The following CABP4 variants were observed in gnomAD, a reference collection of about 807,000 sequenced individuals.
The protein encoded by CABP4 is calcium binding protein 4.
CABP4 carries 30 observed loss-of-function variants against 30.7 expected under a neutral mutation model. That is an observed-to-expected ratio of 0.98 (90% CI 0.73 to 1.33). CABP4 has a LOEUF of 1.33. Ranked by LOEUF, CABP4 falls within the 40% of genes most tolerant of loss-of-function variation. The probability of loss-of-function intolerance (pLI) is 0.00; values close to 1 mark genes in which losing one functional copy is unlikely to be tolerated. For synonymous variants in CABP4, 161 were observed against 159.2 expected (o/e 1.01, Z -0.08); for missense variants, 424 against 395.5 (o/e 1.07, Z -0.61).
chr11:67,458,396 T>A lies in CABP4; in HGVS notation c.677T>A (p.Ile226Asn), dbSNP rs1412705645. ...REFDRDRDGR[I>N]TVAELREAVP... is the part of the protein sequence containing the mutation. ...TTTGACAGGGACAGGGATGGACGAA[T>A]TACGGTGGCGGAGCTGCGGGAGGCG... Residue 226 changes from isoleucine (I) to asparagine (N), a missense_variant, in exon 5 of 6, where the codon ATT becomes AAT. Transcript: ENST00000325656. 6.2e-7 allele frequency: 1 copy of A among 1,612,924 alleles called. No individual in the cohort carries two copies. The highest frequency in any genetic ancestry group is 8.5e-7 in the Non-Finnish European group (1 of 1,179,344).
In CABP4 at chr11:67,460,754, G is replaced by A. The variant is rs780002066; in HGVS notation, c.*2095G>A. Among the ~76,000 whole-genome samples the A allele has an allele frequency of 6.9e-5, 10 of 145,976 alleles. No homozygotes were observed. Among genetic ancestry groups the A allele is most frequent in the Non-Finnish European group, 1.4e-4 (9 of 66,114 alleles). ...TCCCAGCACTTTGGGAGGCTGAGACGGGCGGGTCACAGGGTCAGGAGATCG... is the reference window on the plus strand; with the variant it reads ...TCCCAGCACTTTGGGAGGCTGAGACAGGCGGGTCACAGGGTCAGGAGATCG... On this transcript the variant is annotated 3_prime_UTR_variant, in exon 6 of 6. Transcript: ENST00000325656.
chr11:67,453,744 C>T (rs1341255610), upstream of CABP4: 1 of 151,562 alleles, frequency 6.6e-6, no homozygotes, highest in Admixed American at 6.6e-5. Flanking sequence ...GGGAAGAGTA[C>T]CCCTACCCCC....
Position 67,455,679 on chromosome 11 carries a change from G to A in CABP4, c.256G>A (p.Ala86Thr), listed in dbSNP as rs757725571. 95 of 1,607,756 alleles carry A rather than the reference G, an allele frequency of 5.9e-5. No homozygotes were observed. The highest frequency in any genetic ancestry group is 3.0e-5 in the Non-Finnish European group (35 of 1,178,530). ...AGAGGGGCCGGCGGGCGCACCCCCT[G>A]CATCCCCTGGGCCGGCCTCTTCTCG... ...TGEGPAGAPP[A>T]SPGPASSRQS... The change falls in exon 1 of 6, where the codon GCA becomes ACA. Residue 86 changes from alanine to threonine, a missense_variant. Ala to Thr is a moderately conservative substitution (Grantham distance 58, BLOSUM62 0). Coordinates refer to ENST00000325656, the MANE Select transcript of CABP4 (RefSeq NM_145200.5).
rs931535237 is a variant in CABP4 at position 67,459,046 on chromosome 11, T to A, written c.*387T>A. The A allele has an allele frequency of 1.5e-5, 4 of 268,952 alleles. No individual in the cohort carries two copies. The highest frequency in any genetic ancestry group is 8.9e-5 in the African/African-American group (4 of 45,004). 16.7% of individuals were successfully genotyped at this position (268,952 alleles called of 1,614,324 possible). The stretch of plus-strand genomic sequence containing the variant: ...CCACTACTTATGTTTATAATTTTTT[T>A]TTTTTTTAATGAACTTGAGCCGGGT... On this transcript the variant is annotated 3_prime_UTR_variant, in exon 6 of 6. Coordinates refer to ENST00000325656, the MANE Select transcript of CABP4 (RefSeq NM_145200.5).
At chr11:67,457,883 AC>A (rs1232486118) in intron 4 of CABP4, among the ~76,000 whole-genome samples, 1 of 152,100 alleles carries the variant, frequency 6.6e-6, no homozygotes, top group African/African-American at 2.4e-5. Context: ...GAGGCAAACC[AC>A]CTTGGTGTGG....
rs1447054521 is a variant in CABP4 at position 67,459,762 on chromosome 11, C to T, written c.*1103C>T. 6.6e-6 allele frequency: 1 copy of T among 152,018 alleles called. No individual in the cohort carries two copies. Among genetic ancestry groups the T allele is most frequent in the African/African-American group, 2.4e-5 (1 of 41,364 alleles). The allele number at this position is 152,018 out of a possible 1,614,324, so 9.4% of individuals were successfully genotyped here. ...GGTCAGGAGTTTGAGGCCAGCCTGA[C>T]CAACATGGTGAAACCCCATCTCTAC... is the stretch of plus-strand genomic sequence containing the variant. On this transcript the variant is annotated 3_prime_UTR_variant, in exon 6 of 6. Coordinates refer to ENST00000325656, the MANE Select transcript of CABP4 (RefSeq NM_145200.5).
At position 67,460,522 on chromosome 11, in the gene CABP4, C is replaced by T. The variant is rs1864980289; in HGVS notation, c.*1863C>T. On this transcript the variant is annotated 3_prime_UTR_variant, in exon 6 of 6. Coordinates refer to ENST00000325656, the MANE Select transcript of CABP4 (RefSeq NM_145200.5). ...ATAAAGTATATTTTATATATACACA[C>T]ACACACACACACACACACACAGCCA... Among the ~76,000 whole-genome samples the T allele has an allele frequency of 8.1e-6, 1 of 122,906 alleles. No individual in the cohort carries two copies. The highest frequency in any genetic ancestry group is 2.1e-4 in the South Asian group (1 of 4,794). 80.6% of individuals were successfully genotyped at this position (122,906 alleles called of 152,430 possible).
Sources: allele counts gnomAD v4.1 joint callset (sites outside exome capture counted in the v4.1 genomes callset), GRCh38; gene constraint gnomAD v4.1.1; transcripts MANE v1.5; gene names NCBI Gene and HGNC (gene_info 2026-07-23, HGNC 2026-07-21).